The following PDXDC1 variants were observed in gnomAD, a reference collection of about 807,000 sequenced individuals.
PDXDC1 encodes pyridoxal dependent decarboxylase domain containing 1.
PDXDC1 carries 42 observed loss-of-function variants against 100.1 expected under a neutral mutation model. The observed-to-expected ratio is 0.42, with a 90% CI of 0.33 to 0.54. The LOEUF is 0.54. Among genes scored for constraint, PDXDC1 ranks in the 20% least tolerant of loss-of-function variants. PDXDC1 has a pLI of 0.10. For synonymous variants in PDXDC1, 260 were observed against 371.7 expected (o/e 0.70, Z 3.46); for missense variants, 636 against 979.2 (o/e 0.65, Z 4.68).
intron 16 of PDXDC1, chr16:15,130,823 T>G (rs7186457): frequency 1.2e-5 from 9 of 752,824 alleles, no homozygotes; most frequent in Non-Finnish European, 2.0e-5. Context: ...ACACGCCTGC[T>G]GGGAAGCTCA....
intron 17 of PDXDC1, 89 bp downstream of exon 17, chr16:15,031,995 A>C: frequency 8.8e-7 from 1 of 1,142,344 alleles, no homozygotes. Flanking sequence ...TAGAAATCCA[A>C]GATGAACGTG....
chr16:15,149,202 A>T, the PDXDC1 span, among the ~76,000 whole-genome samples: 1 of 152,160 alleles, frequency 6.6e-6, no homozygotes, highest in Non-Finnish European at 1.5e-5. Flanking sequence ...CTCTCTGGGC[A>T]GCTCCCTGTG....
At chr16:15,020,684 A>G (rs1174605600) in intron 12 of PDXDC1, among the ~76,000 whole-genome samples, 2 of 149,974 alleles carry the variant, frequency 1.3e-5, no homozygotes, top group Non-Finnish European at 3.0e-5. Flanking sequence ...CAGTCTTTTA[A>G]AAAAAGAAAG....
At chr16:15,023,447 T>G (rs1446921609) in intron 13 of PDXDC1, among the ~76,000 whole-genome samples, 1 of 152,304 alleles carries the variant, frequency 6.6e-6, no homozygotes, top group African/African-American at 2.4e-5. Flanking sequence ...TTTGAGTGTA[T>G]TTGGGGTTCA....
chr16:15,042,343 G>A (rs1329050712), downstream of PDXDC1, among the ~76,000 whole-genome samples: 1 of 151,868 alleles, frequency 6.6e-6, no homozygotes, highest in African/African-American at 2.4e-5. Context: ...GCGCCACCAT[G>A]CCTGGCTAAT....
chr16:15,071,853 A>G (rs2045246666), intron 16 of PDXDC1, among the ~76,000 whole-genome samples: 1 of 152,170 alleles, frequency 6.6e-6, no homozygotes, highest in South Asian at 2.1e-4. Context: ...TGGAATCCAC[A>G]TATTACAAAA....
chr16:15,150,246 C>A, the PDXDC1 span, among the ~76,000 whole-genome samples: 1 of 152,002 alleles, frequency 6.6e-6, no homozygotes, highest in Non-Finnish European at 1.5e-5. Flanking sequence ...GAGGCTGAGG[C>A]AGGAGAATGG....
intron 16 of PDXDC1, chr16:15,130,457 G>C: frequency 1.4e-6 from 2 of 1,430,936 alleles, no homozygotes; most frequent in Non-Finnish European, 2.0e-6. Flanking sequence ...CTCTGGTCCT[G>C]GGCAGGGAAG....
chr16:15,127,821 C>T (rs1263083527), intron 16 of PDXDC1: 2 of 1,562,274 alleles, frequency 1.3e-6, no homozygotes, highest in Non-Finnish European at 8.7e-7. Flanking sequence ...ATATGGAGAG[C>T]CAGATGTGCT....
At chr16:15,122,008 G>T (rs1195304675) in intron 16 of PDXDC1, 10 of 278,222 alleles carry the variant, frequency 3.6e-5, no homozygotes, top group Non-Finnish European at 6.3e-5. Context: ...AGGCGTGGTG[G>T]TCTACTAAAA....
chr16:15,093,791 T>G (rs147472440), intron 16 of PDXDC1, among the ~76,000 whole-genome samples: 116 of 152,296 alleles, frequency 7.6e-4, no homozygotes, highest in African/African-American at 2.5e-3. Flanking sequence ...AGTGACGACG[T>G]TCGGCTGATA....
chr16:15,061,945 C>A (rs753143986), intron 16 of PDXDC1: 1 of 1,565,680 alleles, frequency 6.4e-7, no homozygotes, highest in Non-Finnish European at 8.8e-7. Context: ...ATCACCAGTG[C>A]TGACTGAAAA....
intron 1 of PDXDC1, among the ~76,000 whole-genome samples, chr16:14,986,400 C>T (rs201321614): frequency 1.3e-5 from 2 of 152,146 alleles, no homozygotes; most frequent in Admixed American, 6.5e-5. Flanking sequence ...ACCCGGGAGG[C>T]GGAGGTTGCA....
At chr16:15,020,383 C>A (rs1290292071) in intron 12 of PDXDC1, among the ~76,000 whole-genome samples, 2 of 152,232 alleles carry the variant, frequency 1.3e-5, no homozygotes, top group Non-Finnish European at 2.9e-5. Context: ...CCTCAAGTAT[C>A]ATTTCTATAT....
intron 13 of PDXDC1, among the ~76,000 whole-genome samples, 200 bp downstream of exon 13, chr16:15,022,954 C>T (rs897084215): frequency 3.3e-5 from 5 of 152,254 alleles, no homozygotes; most frequent in East Asian, 1.9e-4. Flanking sequence ...GAGTCTGAAG[C>T]GAAGAAATTT....
chr16:15,125,101 C>T (rs1481493642), intron 16 of PDXDC1: 7 of 399,044 alleles, frequency 1.8e-5, no homozygotes, highest in African/African-American at 2.4e-5. Flanking sequence ...GAGCCGAGAT[C>T]GTACCATTGC....
chr16:15,093,247 G>C (rs1422496731), intron 16 of PDXDC1, among the ~76,000 whole-genome samples: 2 of 152,124 alleles, frequency 1.3e-5, no homozygotes, highest in South Asian at 4.1e-4. Context: ...CAGATGATCC[G>C]CCCGCCTCGG....
intron 16 of PDXDC1, chr16:15,127,092 C>G (rs1051402762): frequency 2.8e-6 from 1 of 355,440 alleles, no homozygotes; most frequent in Non-Finnish European, 5.5e-6. Context: ...CCGGCCCGGC[C>G]ACTGGGAGGT....
chr16:15,136,571 T>A, intron 16 of PDXDC1: 1 of 978,956 alleles, frequency 1.0e-6, no homozygotes, highest in Non-Finnish European at 1.6e-6. Context: ...AGGCACCTGG[T>A]GACCCGGGAG....
Sources: allele counts gnomAD v4.1 joint callset (sites outside exome capture counted in the v4.1 genomes callset), GRCh38; gene constraint gnomAD v4.1.1; transcripts MANE v1.5; gene names NCBI Gene and HGNC (gene_info 2026-07-23, HGNC 2026-07-21).